Variants in AKAP1 observed in about 807,000 individuals in gnomAD.
AKAP1 encodes A-kinase anchoring protein 1.
AKAP1 carries 32 observed loss-of-function variants against 79.8 expected under a neutral mutation model. That is an observed-to-expected ratio of 0.40 (90% CI 0.30 to 0.54). The LOEUF is 0.54. Among genes scored for constraint, AKAP1 ranks in the 20% least tolerant of loss-of-function variants. The probability of loss-of-function intolerance (pLI) is 0.47; values close to 1 mark genes in which losing one functional copy is unlikely to be tolerated. For synonymous variants in AKAP1, 416 were observed against 466.7 expected (o/e 0.89, Z 1.40); for missense variants, 961 against 1,138.9 (o/e 0.84, Z 2.25).
rs1367046158 is a variant in AKAP1, at chr17:57,088,757, CTTAACTTTTTCA to C, written c.-25+3362_-25+3373del. On this transcript the variant is annotated intron_variant, in intron 1 of 10. Transcript: ENST00000337714. The stretch of plus-strand genomic sequence containing the variant: ...AAATAGCTTTCAAGGTGTCCTTTGC[CTTAACTTTTTCA>C]TTTTACTAAATGGTGCAGCCTTGTC... 5.3e-5 allele frequency among the ~76,000 whole-genome samples: 8 copies of C among 152,252 alleles called. 2 individuals carry two copies. The highest frequency in any genetic ancestry group is 1.9e-4 in the African/African-American group (8 of 41,536).
intron 5 of AKAP1, among the ~76,000 whole-genome samples, chr17:57,113,524 G>A (rs550768495): frequency 2.7e-5 from 4 of 150,672 alleles, no homozygotes; most frequent in Non-Finnish European, 4.4e-5. Context: ...AGAGTAGGCT[G>A]AATACCACTT....
intron 3 of AKAP1, among the ~76,000 whole-genome samples, chr17:57,111,071 T>G (rs1393586368): frequency 6.6e-6 from 1 of 152,186 alleles, no homozygotes; most frequent in Non-Finnish European, 1.5e-5. Context: ...CCGTCCTGCC[T>G]GCTTTTCCTT....
chr17:57,115,848 G>A (rs533149461), intron 6 of AKAP1, among the ~76,000 whole-genome samples: 4 of 152,168 alleles, frequency 2.6e-5, no homozygotes, highest in Non-Finnish European at 2.9e-5. Context: ...TGGAGTAATG[G>A]ATCTAGACTG....
intron 3 of AKAP1, among the ~76,000 whole-genome samples, 170 bp from the exon 4 acceptor site, chr17:57,111,628 A>G (rs567331346): frequency 6.6e-6 from 1 of 152,374 alleles, no homozygotes; most frequent in South Asian, 2.1e-4. Flanking sequence ...TGTGTTTCAC[A>G]GGTACTATGA....
At chr17:57,108,886 A>G (rs1915063073) in intron 2 of AKAP1, among the ~76,000 whole-genome samples, 1 of 152,132 alleles carries the variant, frequency 6.6e-6, no homozygotes, top group South Asian at 2.1e-4. Flanking sequence ...GTGAGTGAGC[A>G]GAGCTCCCCG....
intron 6 of AKAP1, 75 bp downstream of exon 6, chr17:57,114,711 G>A (rs1167647418): frequency 2.8e-6 from 4 of 1,418,862 alleles, no homozygotes; most frequent in African/African-American, 2.8e-5. Flanking sequence ...TGATCAGGAG[G>A]AGGCTGTTCT....
At chr17:57,118,489 G>T in intron 9 of AKAP1, 35 bp downstream of exon 9, 8 of 1,610,154 alleles carry the variant, frequency 5.0e-6, no homozygotes, top group Non-Finnish European at 6.8e-6. Context: ...AGGCAGGCTG[G>T]CTGGGTTCTT....
intron 10 of AKAP1, 68 bp downstream of exon 10, chr17:57,119,112 CT>C (rs997238271): frequency 9.1e-6 from 14 of 1,536,094 alleles, no homozygotes; most frequent in Non-Finnish European, 1.3e-5. Context: ...GGAGCTGGTC[CT>C]GGGATTTGTT....
rs150230283 is a variant in AKAP1 at position 57,112,532 on chromosome 17, A to T, written c.2017A>T (p.Lys673Ter). The T allele has an allele frequency of 6.2e-7, 1 of 1,614,172 alleles. No individual in the cohort carries two copies. The highest frequency in any genetic ancestry group is 8.5e-7 in the Non-Finnish European group (1 of 1,180,020). ...HVDKALNLIG[K>*]KFKELNLTNI... ...AGACAAAGCGCTGAACTTGATTGGG[A>T]AGAAGTTCAAAGAGCTGAACCTCAC... Residue 673 changes from lysine (K) to a stop codon, truncating the protein, a stop_gained, in exon 5 of 11, where the codon AAG becomes TAG. Coordinates refer to ENST00000337714, the MANE Select transcript of AKAP1 (RefSeq NM_003488.4). LOFTEE classifies it high-confidence loss of function.
chr17:57,110,944 C>A (rs1915205695), intron 3 of AKAP1, among the ~76,000 whole-genome samples: 1 of 151,918 alleles, frequency 6.6e-6, no homozygotes, highest in South Asian at 2.1e-4. Flanking sequence ...CTCCCAGGGC[C>A]CTGGGCTCTG....
At chr17:57,090,131 C>T (rs72843422) in intron 1 of AKAP1, among the ~76,000 whole-genome samples, 12,808 of 152,114 alleles carry the variant, frequency 0.084, 665 homozygotes, top group Non-Finnish European at 0.11. Flanking sequence ...TGGATGCTAA[C>T]GTGTTCTGTT....
intron 1 of AKAP1, chr17:57,095,503 TC>T (rs1215363327): frequency 8.1e-6 from 1 of 123,672 alleles, no homozygotes; most frequent in Non-Finnish European, 1.7e-5. Flanking sequence ...CCTCCACTAC[TC>T]CCCGCCAAGA....
intron 5 of AKAP1, among the ~76,000 whole-genome samples, chr17:57,114,152 G>A (rs1915430338): frequency 1.3e-5 from 2 of 152,198 alleles, no homozygotes. Flanking sequence ...GCCTGTGCAA[G>A]GCCCAGCACT....
intron 2 of AKAP1, chr17:57,108,027 A>G (rs761345884): frequency 2.4e-6 from 3 of 1,248,818 alleles, no homozygotes; most frequent in Non-Finnish European, 3.1e-6. Context: ...CAGCGTAGAC[A>G]GTTCAGACCG....
chr17:57,117,750 C>T lies in AKAP1; in HGVS notation c.2501-631C>T, dbSNP rs866488081. The stretch of plus-strand genomic sequence containing the variant: ...CAGACCCAGCTGAAACTTTCTCCTT[C>T]GTAAGATTTTCCCGGATCTTCCTTG... On this transcript the variant is annotated intron_variant, in intron 8 of 10. Transcript: ENST00000337714. Among the ~76,000 whole-genome samples the T allele has an allele frequency of 2.6e-5, 4 of 152,296 alleles. No homozygotes were observed. The East Asian group carries it at 5.8e-4, about 22-fold the overall frequency.
chr17:57,085,626 C>G (rs1408900755), intron 1 of AKAP1: 1 of 152,454 alleles, frequency 6.6e-6, no homozygotes, highest in Admixed American at 6.5e-5. Context: ...CGTCCTTCCC[C>G]GCCGGTTGTC....
At chr17:57,103,416 C>G (rs1316377314) in intron 1 of AKAP1, among the ~76,000 whole-genome samples, 1 of 152,196 alleles carries the variant, frequency 6.6e-6, no homozygotes, top group East Asian at 1.9e-4. Flanking sequence ...TGGGATACTG[C>G]ATTTCTAGCA....
At chr17:57,110,209 G>A in intron 3 of AKAP1, 51 bp downstream of exon 3, 1 of 1,605,704 alleles carries the variant, frequency 6.2e-7, no homozygotes. Context: ...AAAGCTCCCT[G>A]GGGCCAGGGC....
intron 2 of AKAP1, among the ~76,000 whole-genome samples, chr17:57,109,049 G>C (rs1451681744): frequency 6.6e-6 from 1 of 152,218 alleles, no homozygotes. Flanking sequence ...TTCCTTAGCT[G>C]GGAGCAGGAT....
Sources: gnomAD v4.1 joint callset for allele counts (sites outside exome capture counted in the v4.1 genomes callset) on GRCh38, gnomAD v4.1.1 for gene constraint, MANE v1.5 for transcripts, NCBI Gene and HGNC (gene_info 2026-07-23, HGNC 2026-07-21) for gene names.